Variants in PABPC5 observed in about 807,000 individuals in gnomAD.
PABPC5 encodes polyadenylate-binding protein 5.
A neutral mutation model predicts 12.6 loss-of-function variants in PABPC5; 6 were observed. The observed-to-expected ratio is 0.48, with a 90% CI of 0.26 to 0.94. The LOEUF (loss-of-function observed/expected upper bound fraction) is 0.94, where lower values mean the gene tolerates loss of function less well. Among genes scored for constraint, PABPC5 ranks in the 40% least tolerant of loss-of-function variants. The probability of loss-of-function intolerance (pLI) is 0.14; values close to 1 mark genes in which losing one functional copy is unlikely to be tolerated. For missense variants in PABPC5, 244 were observed against 302.8 expected (o/e 0.81, Z 1.44); for synonymous variants, 124 against 118.4 (o/e 1.05, Z -0.31).
In PABPC5 at chrX:91,435,593, C is replaced by A; in HGVS notation, c.16C>A (p.Pro6Thr). The change falls in exon 2 of 2, where the codon CCT (proline) becomes ACT (threonine). Residue 6 changes from proline to threonine, a missense_variant. Pro to Thr is a conservative substitution (Grantham distance 38, BLOSUM62 -1). Around this residue, in one of 3 missense-constraint regions of PABPC5, gnomAD observed 29 missense variants for 20.5 expected, o/e 1.41. Transcript: ENST00000312600. ...GCTCAGAGAGATGGGGAGCGGGGAGCCTAATCCTGCTGGCAAGAAAAAGAA... is the reference window on the plus strand; with the variant it reads ...GCTCAGAGAGATGGGGAGCGGGGAGACTAATCCTGCTGGCAAGAAAAAGAA... MGSGE[P>T]NPAGKKKKYL... The A allele has an allele frequency of 8.3e-7, 1 of 1,207,027 alleles. No individual in the cohort carries two copies. The highest frequency in any genetic ancestry group is 3.0e-5 in the East Asian group (1 of 33,726).
chrX:91,438,319 A>G lies in PABPC5; in HGVS notation c.*1593A>G, dbSNP rs763394225. On this transcript the variant is annotated 3_prime_UTR_variant, in exon 2 of 2. Coordinates refer to ENST00000312600, the MANE Select transcript of PABPC5 (RefSeq NM_080832.3). ...TTTATCCATTTGCAAATATTTTCAA[A>G]ATGGAAATCACTGTTTATATTGATT... is the stretch of plus-strand genomic sequence containing the variant. The G allele has an allele frequency of 5.0e-4, 61 of 123,126 alleles. No individual in the cohort carries two copies. Among genetic ancestry groups the G allele is most frequent in the Admixed American group, 1.5e-3 (16 of 10,529 alleles). 10.1% of individuals were successfully genotyped at this position (123,126 alleles called of 1,213,427 possible).
At position 91,436,899 on chromosome X, in the gene PABPC5, C is replaced by T; in HGVS notation, c.*173C>T. On this transcript the variant is annotated 3_prime_UTR_variant, in exon 2 of 2. Transcript: ENST00000312600. ...TTCATTTTAGAATAGAACATAATTTCTAACTGTAAAATTGTCATTTTGTAC... is the reference window on the plus strand; with the variant it reads ...TTCATTTTAGAATAGAACATAATTTTTAACTGTAAAATTGTCATTTTGTAC... The T allele has an allele frequency of 2.3e-6, 1 of 439,422 alleles. No homozygotes were observed. The highest frequency in any genetic ancestry group is 5.0e-5 in the Admixed American group (1 of 20,094). The allele number at this position is 439,422 out of a possible 1,213,427, so 36.2% of individuals were successfully genotyped here.
rs1247608570 is a variant in PABPC5 at position 91,435,774 on chromosome X, T to C, written c.197T>C (p.Phe66Ser). 1 of 1,211,319 alleles carries C rather than the reference T, an allele frequency of 8.3e-7. No homozygotes were observed. Among genetic ancestry groups the C allele is most frequent in the Non-Finnish European group, 1.1e-6 (1 of 895,327 alleles). The change falls in exon 2 of 2, where the codon TTC becomes TCC. Residue 66 changes from phenylalanine (F) to serine (S), a missense_variant. Phe to Ser is a radical substitution (Grantham distance 155, BLOSUM62 -2). Transcript: ENST00000312600. ...RSPLGYGYVN[F>S]RFPADAEWAL... ...CCCCTGGGCTATGGGTATGTTAACTTCCGCTTTCCCGCGGATGCAGAGTGG... is the reference window on the plus strand; with the variant it reads ...CCCCTGGGCTATGGGTATGTTAACTCCCGCTTTCCCGCGGATGCAGAGTGG...
At position 91,436,410 on chromosome X, in the gene PABPC5, T is replaced by C. The variant is rs761898571; in HGVS notation, c.833T>C (p.Ile278Thr). 5 of 1,210,859 alleles carry C rather than the reference T, an allele frequency of 4.1e-6. No individual in the cohort carries two copies. Among genetic ancestry groups the C allele is most frequent in the Non-Finnish European group, 2.2e-6 (2 of 895,331 alleles). The change falls in exon 2 of 2, where the codon ATT becomes ACT. Residue 278 changes from isoleucine (I) to threonine (T), a missense_variant. Coordinates refer to ENST00000312600, the MANE Select transcript of PABPC5 (RefSeq NM_080832.3). The part of the protein sequence containing the change: ...VLYVGRAQKK[I>T]ERLAELRRRF... ...TATGTAGGGCGAGCACAGAAGAAAA[T>C]TGAACGCCTGGCTGAGTTGAGGCGG... is the stretch of plus-strand genomic sequence containing the variant.
rs1298274374 is a variant in PABPC5 at position 91,438,572 on chromosome X, A to G, written c.*1846A>G. ...CATCTTTTCCTGACAATAAATATCAATCTCTATCATCATCTTAGTGACTGC... is the reference window on the plus strand; with the variant it reads ...CATCTTTTCCTGACAATAAATATCAGTCTCTATCATCATCTTAGTGACTGC... On this transcript the variant is annotated 3_prime_UTR_variant, in exon 2 of 2. Coordinates refer to ENST00000312600, the MANE Select transcript of PABPC5 (RefSeq NM_080832.3). 1.6e-5 allele frequency: 2 copies of G among 122,761 alleles called. No homozygotes were observed. Among genetic ancestry groups the G allele is most frequent in the African/African-American group, 6.5e-5 (2 of 30,878 alleles). 10.1% of individuals were successfully genotyped at this position (122,761 alleles called of 1,213,427 possible). A position where few individuals can be genotyped will look rare whatever the true frequency, so the allele number is the denominator to read the frequency against.
In PABPC5 at chrX:91,436,713, G is replaced by A. The variant is rs1931609144; in HGVS notation, c.1136G>A (p.Arg379Lys). Residue 379 changes from arginine to lysine, a missense_variant, in exon 2 of 2, where the codon AGG becomes AAG. Coordinates refer to ENST00000312600, the MANE Select transcript of PABPC5 (RefSeq NM_080832.3). ...CTGCATGTCACCCTGGGCCAGGCCA[G>A]GCGCAGGTGCTGAGAATAAGAATGC... Reference protein sequence around the residue: ...KPLHVTLGQARRRC With the variant: ...KPLHVTLGQAKRRC The A allele has an allele frequency of 8.3e-7, 1 of 1,205,906 alleles. No homozygotes were observed. Among genetic ancestry groups the A allele is most frequent in the Non-Finnish European group, 1.1e-6 (1 of 893,669 alleles).
rs1021619639 is a variant in PABPC5, at chrX:91,436,471, G to T, written c.894G>T (p.Arg298=). Residue 298 remains arginine, a synonymous_variant, in exon 2 of 2, where the codon CGG becomes CGT. Coordinates refer to ENST00000312600, the MANE Select transcript of PABPC5 (RefSeq NM_080832.3). Reference sequence around the variant, plus strand: ...GGCTGAGGTTAAAAGAAAAAAGTCGGCCCCCAGGGGTGCCTATCTATATTA... The same window carrying T: ...GGCTGAGGTTAAAAGAAAAAAGTCGTCCCCCAGGGGTGCCTATCTATATTA... The part of the protein sequence containing the change: ...FERLRLKEKS[R]PPGVPIYIKN... 4.1e-6 allele frequency: 5 copies of T among 1,210,026 alleles called. No homozygotes were observed. The Admixed American group carries it at 8.7e-5, about 21-fold the overall frequency.
Position 91,438,494 on chromosome X carries a change from A to T in PABPC5, c.*1768A>T, listed in dbSNP as rs1195725926. On this transcript the variant is annotated 3_prime_UTR_variant, in exon 2 of 2. Coordinates refer to ENST00000312600, the MANE Select transcript of PABPC5 (RefSeq NM_080832.3). Reference sequence around the variant, plus strand: ...CGTATACACAAACATTTTGACCAAAAATCCACACTATATGTACTGTTCTGT... The same window carrying T: ...CGTATACACAAACATTTTGACCAAATATCCACACTATATGTACTGTTCTGT... 8.1e-6 allele frequency: 1 copy of T among 122,799 alleles called. No individual in the cohort carries two copies. Among genetic ancestry groups the T allele is most frequent in the Non-Finnish European group, 1.9e-5 (1 of 52,874 alleles). The allele number at this position is 122,799 out of a possible 1,213,427, so 10.1% of individuals were successfully genotyped here. A position where few individuals can be genotyped will look rare whatever the true frequency, so the allele number is the denominator to read the frequency against.
chrX:91,436,845 A>T lies in PABPC5; in HGVS notation c.*119A>T, dbSNP rs771717188. On this transcript the variant is annotated 3_prime_UTR_variant, in exon 2 of 2. Coordinates refer to ENST00000312600, the MANE Select transcript of PABPC5 (RefSeq NM_080832.3). ...TTTTTTTTTGAAGTGAATTCTTTTG[A>T]AAAAAAAATGCAAAACTAGAAAACT... is the stretch of plus-strand genomic sequence containing the variant. 5 of 617,051 alleles carry T rather than the reference A, an allele frequency of 8.1e-6. No homozygotes were observed. The South Asian group carries it at 2.2e-4, about 27-fold the overall frequency. The allele number at this position is 617,051 out of a possible 1,213,427, so 50.9% of individuals were successfully genotyped here. A position where few individuals can be genotyped will look rare whatever the true frequency, so the allele number is the denominator to read the frequency against.
Position 91,435,575 on chromosome X carries a change from G to C in PABPC5, c.-3G>C, listed in dbSNP as rs780241448. ...AGAGAACCTCCTCCCAGTGCTCAGA[G>C]AGATGGGGAGCGGGGAGCCTAATCC... On this transcript the variant is annotated 5_prime_UTR_variant, in exon 2 of 2. Transcript: ENST00000312600. 5.3e-5 allele frequency: 64 copies of C among 1,197,662 alleles called. No individual in the cohort carries two copies. The highest frequency in any genetic ancestry group is 4.6e-4 in the South Asian group (25 of 54,831).
Position 91,435,926 on chromosome X carries a change from A to G in PABPC5, c.349A>G (p.Ile117Val). The change falls in exon 2 of 2, where the codon ATA (isoleucine) becomes GTA (valine). Residue 117 changes from isoleucine to valine, a missense_variant. Transcript: ENST00000312600. ...ATTCATCAAAAACCTGGACAAATCCATAGACAATAGGGCCCTGTTTTACTT... is the reference window on the plus strand; with the variant it reads ...ATTCATCAAAAACCTGGACAAATCCGTAGACAATAGGGCCCTGTTTTACTT... Reference protein sequence around the residue: ...NIFIKNLDKSIDNRALFYLFS... With the variant: ...NIFIKNLDKSVDNRALFYLFS... 8.3e-7 allele frequency: 1 copy of G among 1,211,565 alleles called. No homozygotes were observed. The highest frequency in any genetic ancestry group is 1.1e-6 in the Non-Finnish European group (1 of 895,203).
At position 91,435,449 on chromosome X, in the gene PABPC5, C is replaced by G. The variant is rs991451574; in HGVS notation, c.-129C>G. 1 of 586,568 alleles carries G rather than the reference C, an allele frequency of 1.7e-6. No individual in the cohort carries two copies. Among genetic ancestry groups the G allele is most frequent in the African/African-American group, 2.3e-5 (1 of 43,866 alleles). The allele number at this position is 586,568 out of a possible 1,213,427, so 48.3% of individuals were successfully genotyped here. On this transcript the variant is annotated 5_prime_UTR_variant, in exon 2 of 2. Coordinates refer to ENST00000312600, the MANE Select transcript of PABPC5 (RefSeq NM_080832.3). ...CATTTTCTCAGCCTCGACAGTGATTCTGAGTCTGCTTTTAGCTTCCTTTTG... is the reference window on the plus strand; with the variant it reads ...CATTTTCTCAGCCTCGACAGTGATTGTGAGTCTGCTTTTAGCTTCCTTTTG...
Position 91,437,050 on chromosome X carries a change from T to C in PABPC5, c.*324T>C, listed in dbSNP as rs1237851804. 7 of 192,734 alleles carry C rather than the reference T, an allele frequency of 3.6e-5. No individual in the cohort carries two copies. The highest frequency in any genetic ancestry group is 6.7e-5 in the African/African-American group (2 of 30,009). 15.9% of individuals were successfully genotyped at this position (192,734 alleles called of 1,213,427 possible). ...CCCTTCTTATTTCAGTAATACTCTATTTTTTTTCATGAAAATGTCAACATG... is the reference window on the plus strand; with the variant it reads ...CCCTTCTTATTTCAGTAATACTCTACTTTTTTTCATGAAAATGTCAACATG... On this transcript the variant is annotated 3_prime_UTR_variant, in exon 2 of 2. Coordinates refer to ENST00000312600, the MANE Select transcript of PABPC5 (RefSeq NM_080832.3).
At position 91,435,843 on chromosome X, in the gene PABPC5, T is replaced by A. The variant is rs1419919960; in HGVS notation, c.266T>A (p.Phe89Tyr). The change falls in exon 2 of 2, where the codon TTC (phenylalanine) becomes TAC (tyrosine). Residue 89 changes from phenylalanine to tyrosine, a missense_variant. Physicochemically the swap from Phe to Tyr is conservative, Grantham distance 22 (BLOSUM62 3). Transcript: ENST00000312600. ...TTTGATTTGATTAATGGAAAACCATTCCGCCTTATGTGGTCTCAGCCAGAT... is the reference window on the plus strand; with the variant it reads ...TTTGATTTGATTAATGGAAAACCATACCGCCTTATGTGGTCTCAGCCAGAT... ...MNFDLINGKP[F>Y]RLMWSQPDDR... 1 of 1,211,759 alleles carries A rather than the reference T, an allele frequency of 8.3e-7. No individual in the cohort carries two copies. The highest frequency in any genetic ancestry group is 1.1e-6 in the Non-Finnish European group (1 of 895,529).
Position 91,436,693 on chromosome X carries a change from T to G in PABPC5, c.1116T>G (p.His372Gln), listed in dbSNP as rs1329768008. 5.0e-6 allele frequency: 6 copies of G among 1,208,908 alleles called. No homozygotes were observed. Among genetic ancestry groups the G allele is most frequent in the Non-Finnish European group, 6.7e-6 (6 of 895,111 alleles). ...NGRIVGSKPL[H>Q]VTLGQARRRC is the part of the protein sequence containing the mutation. The stretch of plus-strand genomic sequence containing the variant: ...GCATAGTGGGCTCCAAGCCCCTGCA[T>G]GTCACCCTGGGCCAGGCCAGGCGCA... The change falls in exon 2 of 2, where the codon CAT becomes CAG. Residue 372 changes from histidine (H) to glutamine (Q), a missense_variant. His to Gln is a conservative substitution (Grantham distance 24, BLOSUM62 0). Transcript: ENST00000312600.
Position 91,435,738 on chromosome X carries a change from T to A in PABPC5, c.161T>A (p.Val54Glu). Residue 54 changes from valine (V) to glutamate (E), a missense_variant, in exon 2 of 2, where the codon GTG becomes GAG. This residue lies in a region of PABPC5 where 211 missense variants were observed against 261.5 expected (regional missense o/e 0.81). Transcript: ENST00000312600. ...LRFTRICRDP[V>E]TRSPLGYGYV... ...TTCACCCGAATCTGCCGTGATCCGG[T>A]GACCCGCAGCCCCCTGGGCTATGGG... 1 of 1,211,504 alleles carries A rather than the reference T, an allele frequency of 8.3e-7. No homozygotes were observed. The highest frequency in any genetic ancestry group is 1.8e-5 in the South Asian group (1 of 56,902).
At chrX:91,435,155 A>C (rs1397108664) in intron 1 of PABPC5, among the ~76,000 whole-genome samples, 1 of 111,516 alleles carries the variant, frequency 9.0e-6, no homozygotes, top group Admixed American at 9.5e-5. Flanking sequence ...TTAAACCAAC[A>C]GGAGCTCTAG....
In PABPC5 at chrX:91,436,359, G is replaced by C; in HGVS notation, c.782G>C (p.Gly261Ala). Residue 261 changes from glycine to alanine, a missense_variant, in exon 2 of 2, where the codon GGA becomes GCA. Coordinates refer to ENST00000312600, the MANE Select transcript of PABPC5 (RefSeq NM_080832.3). The part of the protein sequence containing the change: ...AAQKAVLDLH[G>A]KSIDGKVLYV... ...CAAAAGGCTGTGCTAGACTTGCATG[G>C]AAAGTCCATCGATGGAAAAGTCCTC... The C allele has an allele frequency of 8.3e-7, 1 of 1,211,700 alleles. No homozygotes were observed.
rs984939913 is a variant in PABPC5 at position 91,438,490 on chromosome X, C to G, written c.*1764C>G. 8.2e-6 allele frequency: 1 copy of G among 122,181 alleles called. No individual in the cohort carries two copies. The highest frequency in any genetic ancestry group is 9.6e-5 in the Admixed American group (1 of 10,408). 10.1% of individuals were successfully genotyped at this position (122,181 alleles called of 1,213,427 possible). On this transcript the variant is annotated 3_prime_UTR_variant, in exon 2 of 2. Transcript: ENST00000312600. ...CCTACGTATACACAAACATTTTGAC[C>G]AAAAATCCACACTATATGTACTGTT...
Sources: allele counts gnomAD v4.1 joint callset (sites outside exome capture counted in the v4.1 genomes callset), GRCh38; gene constraint gnomAD v4.1.1; regional missense constraint gnomAD v4.1.1; transcripts MANE v1.5; gene names NCBI Gene and HGNC (gene_info 2026-07-23, HGNC 2026-07-21).